CDH9: variants seen among roughly 807,000 people sequenced by gnomAD.
CDH9 encodes the protein cadherin-9.
A neutral mutation model predicts 70.9 loss-of-function variants in CDH9; 28 were observed. The observed-to-expected ratio is 0.40, with a 90% confidence interval of 0.29 to 0.54. CDH9 has a LOEUF of 0.54. Among genes scored for constraint, CDH9 ranks in the 20% least tolerant of loss-of-function variants. The pLI, the probability that CDH9 is intolerant of heterozygous loss-of-function variation, is 0.59. For missense variants in CDH9, 874 were observed against 984.4 expected, an observed-to-expected ratio of 0.89 and a Z score of 1.50; for synonymous variants, 409 against 343.1, an observed-to-expected ratio of 1.19 and a Z score of -2.12.
intron 2 of CDH9, among the ~76,000 whole-genome samples, chr5:26,938,637 T>A (rs1275004120): frequency 1.3e-5 from 2 of 152,148 alleles, no homozygotes; most frequent in Non-Finnish European, 2.9e-5. Context: ...CATTTGCACA[T>A]ATATGTCAAT....
At chr5:27,022,246 T>A (rs551381042) in intron 1 of CDH9, among the ~76,000 whole-genome samples, 58 of 152,134 alleles carry the variant, frequency 3.8e-4, no homozygotes, top group African/African-American at 1.4e-3. Flanking sequence ...TTGTACATGT[T>A]TTTTTTAATC....
intron 1 of CDH9, among the ~76,000 whole-genome samples, chr5:26,992,364 G>A (rs1437316244): frequency 6.6e-6 from 1 of 152,070 alleles, no homozygotes; most frequent in Non-Finnish European, 1.5e-5. Context: ...TGAATGAGAT[G>A]GTGCCCTTGT....
intron 2 of CDH9, among the ~76,000 whole-genome samples, chr5:26,950,930 C>A (rs1219931192): frequency 6.6e-6 from 1 of 152,004 alleles, no homozygotes; most frequent in East Asian, 1.9e-4. Context: ...ACTGACTAAG[C>A]AAGAGGGTAG....
chr5:26,886,809 A>G (rs1401097194), intron 9 of CDH9, among the ~76,000 whole-genome samples: 1 of 152,180 alleles, frequency 6.6e-6, no homozygotes, highest in East Asian at 1.9e-4. Flanking sequence ...GGAACAGCCA[A>G]CTATGGGTTG....
At chr5:26,997,249 A>G (rs1233192926) in intron 1 of CDH9, among the ~76,000 whole-genome samples, 2 of 151,970 alleles carry the variant, frequency 1.3e-5, no homozygotes, top group Non-Finnish European at 2.9e-5. Flanking sequence ...TGAGATGCAT[A>G]TGTGTGTGTG....
intron 2 of CDH9, among the ~76,000 whole-genome samples, chr5:26,935,779 A>T (rs544894803): frequency 1.6e-4 from 25 of 152,348 alleles, no homozygotes; most frequent in African/African-American, 5.8e-4. Context: ...AAAAGAAGTC[A>T]TTATATGAAA....
At chr5:26,909,925 AG>A (rs1741019526) in intron 3 of CDH9, among the ~76,000 whole-genome samples, 1 of 151,890 alleles carries the variant, frequency 6.6e-6, no homozygotes, top group Non-Finnish European at 1.5e-5. Context: ...TGGATATGGG[AG>A]AAAAATTCAT....
intron 1 of CDH9, among the ~76,000 whole-genome samples, chr5:27,029,528 T>C (rs1030972388): frequency 6.6e-6 from 1 of 151,972 alleles, no homozygotes; most frequent in Non-Finnish European, 1.5e-5. Context: ...CTATGTGAAG[T>C]TGTTTGAAAC....
intron 3 of CDH9, among the ~76,000 whole-genome samples, chr5:26,914,083 A>T (rs955361775): frequency 6.6e-6 from 1 of 151,970 alleles, no homozygotes; most frequent in Non-Finnish European, 1.5e-5. Context: ...TTATTCTTAA[A>T]GTTTCTCATA....
At chr5:26,919,672 C>G (rs774361827) in intron 2 of CDH9, among the ~76,000 whole-genome samples, 2 of 151,950 alleles carry the variant, frequency 1.3e-5, no homozygotes, top group Non-Finnish European at 2.9e-5. Context: ...TTTTCCTCTG[C>G]TTGAAAATAG....
chr5:26,928,778 T>A (rs535412021), intron 2 of CDH9, among the ~76,000 whole-genome samples: 2 of 151,978 alleles, frequency 1.3e-5, no homozygotes, highest in African/African-American at 4.8e-5. Context: ...TTGGGAAAAC[T>A]GGATAGCCAT....
chr5:27,024,157 C>T (rs1743184327), intron 1 of CDH9, among the ~76,000 whole-genome samples: 1 of 151,920 alleles, frequency 6.6e-6, no homozygotes, highest in African/African-American at 2.4e-5. Context: ...GAAAACTGGA[C>T]AAATATTTTC....
At chr5:27,036,774 C>A (rs1019883178) in intron 1 of CDH9, among the ~76,000 whole-genome samples, 1 of 151,690 alleles carries the variant, frequency 6.6e-6, no homozygotes, top group Admixed American at 6.6e-5. Context: ...GGTATTTCAA[C>A]ATGTTGGCAT....
chr5:26,950,476 G>C (rs1024443591), intron 2 of CDH9, among the ~76,000 whole-genome samples: 8 of 152,172 alleles, frequency 5.3e-5, no homozygotes, highest in Non-Finnish European at 1.2e-4. Flanking sequence ...GTCACCACTT[G>C]CTAAAATGCC....
intron 1 of CDH9, among the ~76,000 whole-genome samples, chr5:27,030,337 T>C (rs373740343): frequency 7.8e-4 from 96 of 123,794 alleles, no homozygotes; most frequent in Admixed American, 2.2e-3. Flanking sequence ...TTTCTGATGT[T>C]GAAAAAGCCA....
At chr5:26,972,365 A>T (rs972527222) in intron 2 of CDH9, among the ~76,000 whole-genome samples, 1 of 152,180 alleles carries the variant, frequency 6.6e-6, no homozygotes, top group Non-Finnish European at 1.5e-5. Context: ...GACATCAATA[A>T]TAAGCTCAAT....
At chr5:26,967,032 A>C (rs1742141039) in intron 2 of CDH9, among the ~76,000 whole-genome samples, 1 of 152,134 alleles carries the variant, frequency 6.6e-6, no homozygotes, top group Non-Finnish European at 1.5e-5. Context: ...TCCCAAGCTT[A>C]AGCGATCCTC....
intron 2 of CDH9, among the ~76,000 whole-genome samples, chr5:26,963,835 G>A (rs1742080967): frequency 1.3e-5 from 2 of 151,764 alleles, no homozygotes; most frequent in African/African-American, 4.8e-5. Flanking sequence ...GGGGGAAAAT[G>A]TATCTTTAAT....
Position 27,003,054 on chromosome 5 carries a change from C to T in CDH9, c.-49-14672G>A, listed in dbSNP as rs114784535. Among the ~76,000 whole-genome samples, 700 of 152,088 alleles carry T rather than the reference C, an allele frequency of 4.6e-3. 8 individuals carry two copies. The highest frequency in any genetic ancestry group is 0.016 in the African/African-American group (668 of 41,508). On this transcript the variant is annotated intron_variant, in intron 1 of 11. Coordinates refer to ENST00000231021, the MANE Select transcript of CDH9 (RefSeq NM_016279.4). Reference sequence around the variant, plus strand: ...AAAATGCTTCAGAACAGAAATGTTTCGGTTTTGGATCTTTTCGGATTTTGA... The same window carrying T: ...AAAATGCTTCAGAACAGAAATGTTTTGGTTTTGGATCTTTTCGGATTTTGA...
Sources: allele counts gnomAD v4.1 joint callset (sites outside exome capture counted in the v4.1 genomes callset), GRCh38; gene constraint gnomAD v4.1.1; transcripts MANE v1.5; gene names NCBI Gene and HGNC (gene_info 2026-07-23, HGNC 2026-07-21).